ARFGEF1: variants seen among roughly 807,000 people sequenced by gnomAD.
The protein encoded by ARFGEF1 is ARF guanine nucleotide exchange factor 1, also known as brefeldin A-inhibited guanine nucleotide-exchange protein 1.
In ARFGEF1, 42 loss-of-function variants were observed where a neutral mutation model predicts 231.0. The ratio of observed to expected loss-of-function variants is 0.18; its 90% CI spans 0.14 to 0.24. The LOEUF (loss-of-function observed/expected upper bound fraction) is 0.24, where lower values mean the gene tolerates loss of function less well. Ranked by LOEUF, ARFGEF1 falls within the 10% of genes least tolerant of loss-of-function variation. ARFGEF1 has a pLI of 1.00. For missense variants in ARFGEF1, 1,345 were observed against 2,192.0 expected (o/e 0.61, Z 7.72); for synonymous variants, 710 against 732.3 (o/e 0.97, Z 0.49).
At chr8:67,207,913 C>T (rs1023356279) in intron 34 of ARFGEF1, among the ~76,000 whole-genome samples, 2 of 152,192 alleles carry the variant, frequency 1.3e-5, no homozygotes, top group Non-Finnish European at 2.9e-5. Context: ...TCTGACCCCA[C>T]AGCTCACAGT....
At chr8:67,194,548 G>T (rs1837339615), downstream of ARFGEF1, among the ~76,000 whole-genome samples, 1 of 152,196 alleles carries the variant, frequency 6.6e-6, no homozygotes, top group South Asian at 2.1e-4. Flanking sequence ...ATATATTTGA[G>T]GGAAGATAGC....
chr8:67,198,894 G>T lies in ARFGEF1; in HGVS notation c.*40C>A. The T allele has an allele frequency of 6.2e-7, 1 of 1,607,748 alleles. No individual in the cohort carries two copies. The highest frequency in any genetic ancestry group is 1.7e-4 in the Middle Eastern group (1 of 6,034). On this transcript the variant is annotated 3_prime_UTR_variant, in exon 39 of 39. Coordinates refer to ENST00000262215, the MANE Select transcript of ARFGEF1 (RefSeq NM_006421.5). ...CTCAGCTCCAGCGTCCTTTTAAAGA[G>T]CAGAGGGATGTAAATGCCAACAAAA...
chr8:67,175,208 G>T, downstream of ARFGEF1: 1 of 903,950 alleles, frequency 1.1e-6, no homozygotes. Context: ...TTGAAATTAG[G>T]TTACTCATGT....
intron 28 of ARFGEF1, 145 bp from the exon 29 acceptor site, chr8:67,225,178 T>G: frequency 1.3e-6 from 1 of 756,702 alleles, no homozygotes; most frequent in Non-Finnish European, 1.9e-6. Context: ...ATGGACACTA[T>G]AACTGCCTAC....
intron 1 of ARFGEF1, among the ~76,000 whole-genome samples, chr8:67,325,223 CTTTT>C (rs767351969): frequency 3.5e-5 from 5 of 143,346 alleles, no homozygotes; most frequent in African/African-American, 1.3e-4. Flanking sequence ...GAAAAATCCA[CTTTT>C]TTTTTTTTTT....
intron 35 of ARFGEF1, among the ~76,000 whole-genome samples, chr8:67,203,471 T>C (rs1219950910): frequency 2.0e-5 from 3 of 152,220 alleles, no homozygotes; most frequent in Non-Finnish European, 2.9e-5. Flanking sequence ...CCCAACTCCC[T>C]GGCCCTGCGT....
At chr8:67,340,263 G>A (rs1186812010) in intron 1 of ARFGEF1, among the ~76,000 whole-genome samples, 1 of 152,112 alleles carries the variant, frequency 6.6e-6, no homozygotes, top group Non-Finnish European at 1.5e-5. Context: ...AAATATTTGG[G>A]GAAAGAATGA....
chr8:67,187,156 A>G (rs1184194543), intron 5 of ARFGEF1, among the ~76,000 whole-genome samples: 1 of 152,202 alleles, frequency 6.6e-6, no homozygotes, highest in African/African-American at 2.4e-5. Context: ...AACTTGATCT[A>G]TAGATTCAGT....
intron 1 of ARFGEF1, among the ~76,000 whole-genome samples, chr8:67,311,463 T>G (rs1473732774): frequency 2.6e-4 from 20 of 77,606 alleles, no homozygotes; most frequent in South Asian, 4.8e-4. Flanking sequence ...GGGAGGGAGG[T>G]GGGGGGGTCA....
At chr8:67,204,265 C>CAA (rs1838433887) in intron 35 of ARFGEF1, among the ~76,000 whole-genome samples, 2 of 152,118 alleles carry the variant, frequency 1.3e-5, no homozygotes. Flanking sequence ...CAAAGTCGTC[C>CAA]AAACAGTTAG....
intron 5 of ARFGEF1, among the ~76,000 whole-genome samples, chr8:67,192,081 T>G (rs940067114): frequency 2.6e-5 from 4 of 151,388 alleles, no homozygotes; most frequent in Non-Finnish European, 4.4e-5. Flanking sequence ...TTTTTTTGTT[T>G]TTTTTTTTTG....
intron 5 of ARFGEF1, among the ~76,000 whole-genome samples, chr8:67,186,964 A>AGCAT (rs1834781297): frequency 7.1e-6 from 1 of 141,430 alleles, no homozygotes; most frequent in Non-Finnish European, 1.5e-5. Flanking sequence ...GTATAAATCT[A>AGCAT]TCTATCATCT....
chr8:67,316,339 C>T (rs751077332), intron 1 of ARFGEF1, among the ~76,000 whole-genome samples: 2 of 152,144 alleles, frequency 1.3e-5, no homozygotes, highest in African/African-American at 2.4e-5. Context: ...AATTCTACCA[C>T]GTTTATAAAA....
chr8:67,279,194 A>T (rs1441596671), intron 7 of ARFGEF1, among the ~76,000 whole-genome samples: 1 of 152,164 alleles, frequency 6.6e-6, no homozygotes, highest in Non-Finnish European at 1.5e-5. Context: ...CTGAGTTCCT[A>T]TCTCATTCCC....
chr8:67,224,923 G>T lies in ARFGEF1; in HGVS notation c.4188C>A (p.Cys1396Ter). 1 of 1,564,110 alleles carries T rather than the reference G, an allele frequency of 6.4e-7. No homozygotes were observed. The highest frequency in any genetic ancestry group is 8.7e-7 in the Non-Finnish European group (1 of 1,155,946). ...LFELSCIINRCKLDVRTRGLT... is the reference protein window; with the variant it reads ...LFELSCIINR ...GTTACCTGGTTCTTACATCTAATTT[G>T]CATCTATTGATGATACAGGATAACT... The change falls in exon 29 of 39, where the codon TGC becomes TGA. Residue 1396 changes from cysteine (C) to a stop codon, truncating the protein, a stop_gained. Coordinates refer to ENST00000262215, the MANE Select transcript of ARFGEF1 (RefSeq NM_006421.5). LOFTEE classifies it high-confidence loss of function.
chr8:67,296,710 G>A, intron 4 of ARFGEF1, 100 bp from the exon 5 acceptor site: 1 of 925,880 alleles, frequency 1.1e-6, no homozygotes, highest in Non-Finnish European at 1.6e-6. Flanking sequence ...GAGTGCAGTA[G>A]TGTGATCATA....
intron 5 of ARFGEF1, among the ~76,000 whole-genome samples, chr8:67,187,717 G>T (rs1311334254): frequency 6.6e-6 from 1 of 152,144 alleles, no homozygotes; most frequent in Admixed American, 6.5e-5. Context: ...CGCAAATACA[G>T]TCAGCTGATC....
chr8:67,214,630 C>T (rs1256426665), intron 33 of ARFGEF1, among the ~76,000 whole-genome samples: 3 of 152,030 alleles, frequency 2.0e-5, no homozygotes, highest in Admixed American at 1.3e-4. Context: ...TCTAGTGGAG[C>T]CAATCGATCA....
chr8:67,230,203 G>T (rs899875375), intron 23 of ARFGEF1, among the ~76,000 whole-genome samples: 8 of 152,048 alleles, frequency 5.3e-5, no homozygotes, highest in African/African-American at 1.9e-4. Context: ...TTAACATTAA[G>T]GCAAGAGAAC....
Sources: gnomAD v4.1 joint callset for allele counts (sites outside exome capture counted in the v4.1 genomes callset) on GRCh38, gnomAD v4.1.1 for gene constraint, MANE v1.5 for transcripts, NCBI Gene and HGNC (gene_info 2026-07-23, HGNC 2026-07-21) for gene names.